C1QTNF7: variants seen among roughly 807,000 people sequenced by gnomAD.
The protein encoded by C1QTNF7 is complement C1q tumor necrosis factor-related protein 7.
C1QTNF7 carries 15 observed loss-of-function variants against 19.6 expected under a neutral mutation model. That is an observed-to-expected ratio of 0.76 (90% CI 0.51 to 1.18). The LOEUF is 1.18. C1QTNF7 is among the 50% of genes most tolerant of loss of function. C1QTNF7 has a pLI of 0.00. For missense variants in C1QTNF7, 324 were observed against 359.7 expected, an observed-to-expected ratio of 0.90 and a Z score of 0.80; for synonymous variants, 142 against 137.5, an observed-to-expected ratio of 1.03 and a Z score of -0.23.
intron 1 of C1QTNF7, among the ~76,000 whole-genome samples, chr4:15,398,961 C>T (rs750452737): frequency 2.6e-5 from 4 of 152,078 alleles, no homozygotes; most frequent in African/African-American, 7.2e-5. Flanking sequence ...ATGGGCTGTC[C>T]GTATGCACAG....
chr4:15,411,187 T>C (rs896813981), intron 1 of C1QTNF7, among the ~76,000 whole-genome samples: 1 of 152,158 alleles, frequency 6.6e-6, no homozygotes, highest in Non-Finnish European at 1.5e-5. Context: ...TTCTTAAATA[T>C]CCTAAACATA....
rs143821627 is a variant in C1QTNF7, at chr4:15,444,793, T to A, written c.*1994T>A. ...TGGGTGACACTTGGAGTGGCACAAG[T>A]TGGGGGAAAGCGCACTTGAGACAGA... On this transcript the variant is annotated 3_prime_UTR_variant, in exon 3 of 3. Coordinates refer to ENST00000444304, the MANE Select transcript of C1QTNF7 (RefSeq NM_031911.5). The A allele has an allele frequency of 6.6e-6, 1 of 152,010 alleles. No homozygotes were observed. The highest frequency in any genetic ancestry group is 2.4e-5 in the African/African-American group (1 of 41,356). The allele number at this position is 152,010 out of a possible 1,614,324, so 9.4% of individuals were successfully genotyped here.
chr4:15,423,067 T>A (rs2108927841), upstream of C1QTNF7, among the ~76,000 whole-genome samples: 1 of 152,372 alleles, frequency 6.6e-6, no homozygotes, highest in African/African-American at 2.4e-5. Context: ...GATTGTCTTC[T>A]ACATGTGAAG....
chr4:15,421,778 T>C (rs549974206), intron 1 of C1QTNF7, among the ~76,000 whole-genome samples: 2 of 152,314 alleles, frequency 1.3e-5, no homozygotes, highest in South Asian at 4.1e-4. Context: ...GGACTCACTG[T>C]AGGTAGCACA....
intron 1 of C1QTNF7, among the ~76,000 whole-genome samples, chr4:15,364,523 T>G (rs1285510628): frequency 6.6e-6 from 1 of 152,218 alleles, no homozygotes; most frequent in Non-Finnish European, 1.5e-5. Flanking sequence ...GGAAGAGAGA[T>G]GCTCAGCAGA....
intron 1 of C1QTNF7, among the ~76,000 whole-genome samples, chr4:15,351,999 G>A (rs1716956395): frequency 6.6e-6 from 1 of 152,140 alleles, no homozygotes. Flanking sequence ...GGAGGCCTAA[G>A]CGTATTTGAA....
At chr4:15,411,417 G>A (rs186446407) in intron 1 of C1QTNF7, among the ~76,000 whole-genome samples, 12 of 152,280 alleles carry the variant, frequency 7.9e-5, no homozygotes, top group Admixed American at 7.8e-4. Context: ...CTAGAGAGAT[G>A]CTGTTGGATC....
chr4:15,387,486 T>C (rs913706735), intron 1 of C1QTNF7, among the ~76,000 whole-genome samples: 1 of 151,714 alleles, frequency 6.6e-6, no homozygotes, highest in African/African-American at 2.4e-5. Flanking sequence ...AGAAAGAGGA[T>C]CTGGAAAAAA....
At chr4:15,341,221 T>C (rs904066314) in intron 1 of C1QTNF7, among the ~76,000 whole-genome samples, 1 of 152,210 alleles carries the variant, frequency 6.6e-6, no homozygotes, top group African/African-American at 2.4e-5. Flanking sequence ...TTGCGACATT[T>C]AGGTGACCTC....
rs116746260 is a variant in C1QTNF7 at position 15,375,125 on chromosome 4, A to T, written c.13+34918A>T. Among the ~76,000 whole-genome samples, 3 of 151,972 alleles carry T rather than the reference A, an allele frequency of 2.0e-5. No individual in the cohort carries two copies. In the South Asian group the frequency reaches 6.3e-4, roughly 32 times the overall value. ...CAAGCAGAAGTGTCTCTGTAACCCTACTCTGAAAAACAGAATTGTCATCGT... is the reference window on the plus strand; with the variant it reads ...CAAGCAGAAGTGTCTCTGTAACCCTTCTCTGAAAAACAGAATTGTCATCGT... On this transcript the variant is annotated intron_variant, in intron 1 of 2. Transcript: ENST00000295297.
intron 1 of C1QTNF7, among the ~76,000 whole-genome samples, chr4:15,401,794 A>T (rs183649798): frequency 6.6e-6 from 1 of 152,216 alleles, no homozygotes; most frequent in Non-Finnish European, 1.5e-5. Flanking sequence ...ATGAAAGTCA[A>T]CTTCAAAGTC....
At chr4:15,442,085 G>T (rs1712781733) in intron 2 of C1QTNF7, 83 bp from the exon 3 acceptor site, 2 of 1,450,618 alleles carry the variant, frequency 1.4e-6, no homozygotes, top group Admixed American at 2.3e-5. Context: ...ACAAAGTTGG[G>T]ATGTGCTGGG....
At chr4:15,363,030 C>G (rs1235238075) in intron 1 of C1QTNF7, among the ~76,000 whole-genome samples, 1 of 152,166 alleles carries the variant, frequency 6.6e-6, no homozygotes, top group Non-Finnish European at 1.5e-5. Flanking sequence ...CCTGGGTTCC[C>G]TGCCTTGAAA....
intron 1 of C1QTNF7, among the ~76,000 whole-genome samples, chr4:15,386,721 G>A (rs1028475839): frequency 6.6e-6 from 1 of 152,188 alleles, no homozygotes; most frequent in Non-Finnish European, 1.5e-5. Flanking sequence ...ACACATCTGA[G>A]GGAAAGGCTT....
intron 1 of C1QTNF7, among the ~76,000 whole-genome samples, chr4:15,377,557 G>GGTTTCTTC (rs1717984948): frequency 2.6e-5 from 4 of 152,150 alleles, no homozygotes; most frequent in African/African-American, 9.7e-5. Flanking sequence ...TTGCTGTGTT[G>GGTTTCTTC]AATATAATAT....
chr4:15,367,197 G>C (rs1443855651), intron 1 of C1QTNF7, among the ~76,000 whole-genome samples: 1 of 152,150 alleles, frequency 6.6e-6, no homozygotes, highest in African/African-American at 2.4e-5. Context: ...GCAATTTCCA[G>C]TCGTCTTCAA....
intron 1 of C1QTNF7, among the ~76,000 whole-genome samples, chr4:15,343,717 T>G (rs901750293): frequency 6.6e-6 from 1 of 152,164 alleles, no homozygotes; most frequent in Non-Finnish European, 1.5e-5. Flanking sequence ...GAGTGGGAAT[T>G]CAAAGAAGAC....
upstream of C1QTNF7, among the ~76,000 whole-genome samples, chr4:15,425,018 T>C (rs1711973575): frequency 6.6e-6 from 1 of 152,108 alleles, no homozygotes; most frequent in Non-Finnish European, 1.5e-5. Flanking sequence ...GCATTCAGCA[T>C]CTGACATATA....
chr4:15,420,894 G>A (rs1466290457), intron 1 of C1QTNF7, among the ~76,000 whole-genome samples: 1 of 123,482 alleles, frequency 8.1e-6, no homozygotes, highest in Admixed American at 1.1e-4. Context: ...CCAGCACACT[G>A]AGTCATTGTT....
Sources: gnomAD v4.1 joint callset for allele counts (sites outside exome capture counted in the v4.1 genomes callset) on GRCh38, gnomAD v4.1.1 for gene constraint, MANE v1.5 for transcripts, NCBI Gene and HGNC (gene_info 2026-07-23, HGNC 2026-07-21) for gene names.